The following CABP1 variants were observed in gnomAD, a reference collection of about 807,000 sequenced individuals.
CABP1 encodes calcium binding protein 1.
Under a neutral mutation model 34.3 loss-of-function variants are expected in CABP1, and 17 were observed. That is an observed-to-expected ratio of 0.50 (90% CI 0.34 to 0.74). CABP1 has a LOEUF of 0.74. Ranked by LOEUF, CABP1 falls within the 30% of genes least tolerant of loss-of-function variation. The pLI is 0.01. For synonymous variants in CABP1, 198 were observed against 229.2 expected, an observed-to-expected ratio of 0.86 and a Z score of 1.23; for missense variants, 373 against 511.1, an observed-to-expected ratio of 0.73 and a Z score of 2.61.
the CABP1 span, among the ~76,000 whole-genome samples, chr12:120,676,022 A>G: frequency 2.0e-5 from 3 of 152,100 alleles, no homozygotes; most frequent in Admixed American, 2.0e-4. Context: ...GTTGCAGTGA[A>G]CTGAGATCGA....
chr12:120,641,426 C>G lies in CABP1; in HGVS notation c.654+87C>G. ...GTTGCGCGTCCACAGCCTCCTCCCGCGGCCCGTGGTCCCCCACGGATCACG... is the reference window on the plus strand; with the variant it reads ...GTTGCGCGTCCACAGCCTCCTCCCGGGGCCCGTGGTCCCCCACGGATCACG... On this transcript the variant is annotated intron_variant, in intron 1 of 5. Coordinates refer to ENST00000316803, the MANE Select transcript of CABP1 (RefSeq NM_001033677.2). The surrounding 1 kb of genome is among the most constrained non-coding windows in gnomAD (Gnocchi z 6.7). 8.2e-7 allele frequency: 1 copy of G among 1,216,186 alleles called. No homozygotes were observed. Among genetic ancestry groups the G allele is most frequent in the Non-Finnish European group, 1.0e-6 (1 of 971,368 alleles). The allele number at this position is 1,216,186 out of a possible 1,614,324, so 75.3% of individuals were successfully genotyped here.
the CABP1 span, among the ~76,000 whole-genome samples, chr12:120,673,285 A>T: frequency 3.3e-5 from 5 of 151,748 alleles, no homozygotes; most frequent in Admixed American, 6.6e-5. Context: ...ATTTTACAAT[A>T]AAAAAAATAT....
downstream of CABP1, among the ~76,000 whole-genome samples, chr12:120,667,919 C>T (rs775226800): frequency 1.3e-4 from 20 of 152,184 alleles, no homozygotes; most frequent in Non-Finnish European, 2.8e-4. Flanking sequence ...CTTCCCCAAA[C>T]AAAATCAGGT....
intron 1 of CABP1, among the ~76,000 whole-genome samples, chr12:120,647,874 G>GC (rs1329286755): frequency 6.6e-6 from 1 of 151,350 alleles, no homozygotes; most frequent in Non-Finnish European, 1.5e-5. Flanking sequence ...GAGCCACCAC[G>GC]CCCCGCCCCA....
Position 120,666,882 on chromosome 12 carries a change from C to G in CABP1, c.1095C>G (p.Val365=), listed in dbSNP as rs200202796. 1 of 1,606,632 alleles carries G rather than the reference C, an allele frequency of 6.2e-7. No homozygotes were observed. The highest frequency in any genetic ancestry group is 8.5e-7 in the Non-Finnish European group (1 of 1,178,818). Residue 365 remains valine, a synonymous_variant, in exon 6 of 6, where the codon GTC becomes GTG. Transcript: ENST00000316803. ...GDGRVDFEEF[V]RMMSR ...GCTCCTCTACCCTTCTAGAGTTTGTCCGGATGATGTCCCGCTGAGGCCGCG... is the reference window on the plus strand; with the variant it reads ...GCTCCTCTACCCTTCTAGAGTTTGTGCGGATGATGTCCCGCTGAGGCCGCG...
intron 1 of CABP1, among the ~76,000 whole-genome samples, chr12:120,647,534 A>G (rs967223265): frequency 2.0e-5 from 3 of 146,572 alleles, no homozygotes; most frequent in Non-Finnish European, 4.5e-5. Context: ...TTTGAATCCA[A>G]GTCAGCGTGA....
At position 120,660,150 on chromosome 12, in the gene CABP1, T is replaced by C. The variant is rs776266509; in HGVS notation, c.686-46T>C. The stretch of plus-strand genomic sequence containing the variant: ...GGGCTGCCTTTGCCCACAGAGGCTC[T>C]GCGGGTCCTACCCCTGACCACATCC... On this transcript the variant is annotated intron_variant, in intron 2 of 5. Coordinates refer to ENST00000316803, the MANE Select transcript of CABP1 (RefSeq NM_001033677.2). This position sits in a 1 kb window ranked among gnomAD's most constrained non-coding sequence, Gnocchi z 5.0. 6.2e-7 allele frequency: 1 copy of C among 1,609,898 alleles called. No individual in the cohort carries two copies. The highest frequency in any genetic ancestry group is 1.1e-5 in the South Asian group (1 of 90,590).
intron 1 of CABP1, among the ~76,000 whole-genome samples, chr12:120,649,261 C>G (rs1002871484): frequency 3.9e-5 from 6 of 152,200 alleles, no homozygotes; most frequent in Non-Finnish European, 8.8e-5. Context: ...CTGAGCAGCC[C>G]CCCCACACGG....
Position 120,655,850 on chromosome 12 carries a change from T to C in CABP1, c.655-4028T>C, listed in dbSNP as rs574025. On this transcript the variant is annotated intron_variant, in intron 1 of 5. Coordinates refer to ENST00000316803, the MANE Select transcript of CABP1 (RefSeq NM_001033677.2). ...GCGTGCGTGTGTGTGTGTGTGTGTG[T>C]GCGCATGTGCCACACAGAGGGCATC... 6.2e-4 allele frequency: 913 copies of C among 1,466,720 alleles called. 1 individual carries two copies. In the African/African-American group the frequency reaches 8.6e-3, roughly 14 times the overall value. The allele number at this position is 1,466,720 out of a possible 1,614,324, so 90.9% of individuals were successfully genotyped here.
chr12:120,650,525 G>T (rs1879777875), intron 1 of CABP1: 8 of 1,590,668 alleles, frequency 5.0e-6, no homozygotes, highest in Non-Finnish European at 6.8e-6. Flanking sequence ...GAGGAAGAAC[G>T]GCACAGACGG....
At chr12:120,643,132 G>A (rs529367915) in intron 1 of CABP1, among the ~76,000 whole-genome samples, 104 of 151,872 alleles carry the variant, frequency 6.8e-4, no homozygotes, top group Non-Finnish European at 6.9e-4. Context: ...TGAATTCTCC[G>A]GCCCAATGTT....
downstream of CABP1, among the ~76,000 whole-genome samples, chr12:120,671,742 G>C (rs900383542): frequency 6.6e-6 from 1 of 152,244 alleles, no homozygotes; most frequent in Non-Finnish European, 1.5e-5. Flanking sequence ...CCCCATAGCA[G>C]TGTGGTTAAA....
In CABP1 at chr12:120,641,462, C is replaced by T. The variant is rs868118202; in HGVS notation, c.654+123C>T. On this transcript the variant is annotated intron_variant, in intron 1 of 5. Transcript: ENST00000316803. This position sits in a 1 kb window ranked among gnomAD's most constrained non-coding sequence, Gnocchi z 6.7. ...CCCCCACGGATCACGCCTCGGCTCACCTCGTCCTCCCCGGGCCGGCGCCCT... is the reference window on the plus strand; with the variant it reads ...CCCCCACGGATCACGCCTCGGCTCATCTCGTCCTCCCCGGGCCGGCGCCCT... 27 of 1,073,178 alleles carry T rather than the reference C, an allele frequency of 2.5e-5. No homozygotes were observed. Among genetic ancestry groups the T allele is most frequent in the African/African-American group, 1.8e-4 (11 of 61,068 alleles). 66.5% of individuals were successfully genotyped at this position (1,073,178 alleles called of 1,614,324 possible).
chr12:120,648,468 T>C (rs1384008152), intron 1 of CABP1, among the ~76,000 whole-genome samples: 1 of 152,162 alleles, frequency 6.6e-6, no homozygotes, highest in East Asian at 1.9e-4. Context: ...TAATTACTGA[T>C]CCAGTAGCTA....
chr12:120,660,823 C>T lies in CABP1; in HGVS notation c.922C>T (p.Arg308Ter), dbSNP rs1880577219. 6.2e-7 allele frequency: 1 copy of T among 1,611,974 alleles called. No homozygotes were observed. The highest frequency in any genetic ancestry group is 8.5e-7 in the Non-Finnish European group (1 of 1,178,080). The change falls in exon 4 of 6, where the codon CGA becomes TGA. Residue 308 changes from arginine (R) to a stop codon, truncating the protein, a stop_gained. Transcript: ENST00000316803. LOFTEE classifies it high-confidence loss of function. This position sits in a 1 kb window ranked among gnomAD's most constrained non-coding sequence, Gnocchi z 5.0. ...TADMIGVKEL[R>*]DAFREFDTNG... ...AGATATGATTGGTGTAAAGGAACTG[C>T]GAGATGCTTTCCGAGAGGTAACGGA...
Position 120,660,452 on chromosome 12 carries a change from C to G in CABP1, c.829+113C>G. 1 of 1,197,974 alleles carries G rather than the reference C, an allele frequency of 8.3e-7. No individual in the cohort carries two copies. Among genetic ancestry groups the G allele is most frequent in the South Asian group, 1.5e-5 (1 of 67,794 alleles). 74.2% of individuals were successfully genotyped at this position (1,197,974 alleles called of 1,614,324 possible). A position where few individuals can be genotyped will look rare whatever the true frequency, so the allele number is the denominator to read the frequency against. ...ATCCACCTCTTACCAGCTCTGTGAT[C>G]TGGGGCCAACCACTTACCCTCTCTG... On this transcript the variant is annotated intron_variant, in intron 3 of 5. Transcript: ENST00000316803. This position sits in a 1 kb window ranked among gnomAD's most constrained non-coding sequence, Gnocchi z 5.0.
Position 120,667,083 on chromosome 12 carries a change from T to C in CABP1, c.*183T>C, listed in dbSNP as rs745858237. The C allele has an allele frequency of 3.1e-6, 2 of 637,082 alleles. No homozygotes were observed. 39.5% of individuals were successfully genotyped at this position (637,082 alleles called of 1,614,324 possible). A position where few individuals can be genotyped will look rare whatever the true frequency, so the allele number is the denominator to read the frequency against. On this transcript the variant is annotated 3_prime_UTR_variant, in exon 6 of 6. Coordinates refer to ENST00000316803, the MANE Select transcript of CABP1 (RefSeq NM_001033677.2). ...CTCCGCACTGTGAAAGACTAACTCC[T>C]GCAACTGGAAAGCGGGGGCGCCCGC...
At chr12:120,670,563 C>T (rs1261484337), downstream of CABP1, among the ~76,000 whole-genome samples, 1 of 151,832 alleles carries the variant, frequency 6.6e-6, no homozygotes, top group Non-Finnish European at 1.5e-5. Context: ...GCCTGACCAA[C>T]ATGGTGAAAC....
At chr12:120,662,437 T>G (rs910920263) in intron 5 of CABP1, 6 of 152,238 alleles carry the variant, frequency 3.9e-5, no homozygotes, top group Non-Finnish European at 8.8e-5. Flanking sequence ...CTTGGCTCAC[T>G]GCAAACTGCG....
Sources: gnomAD v4.1 joint callset for allele counts (sites outside exome capture counted in the v4.1 genomes callset) on GRCh38, gnomAD v4.1.1 for gene constraint, Gnocchi (gnomAD v3.1) non-coding constraint, MANE v1.5 for transcripts, NCBI Gene and HGNC (gene_info 2026-07-23, HGNC 2026-07-21) for gene names.